The following COL27A1 variants were observed in gnomAD, a reference collection of about 807,000 sequenced individuals.
COL27A1 encodes collagen alpha-1(XXVII) chain.
COL27A1 carries 106 observed loss-of-function variants against 251.3 expected under a neutral mutation model. That is an observed-to-expected ratio of 0.42 (90% CI 0.36 to 0.50). The LOEUF is 0.50. Among genes scored for constraint, COL27A1 ranks in the 20% least tolerant of loss-of-function variants. The pLI is 0.00. For missense variants in COL27A1, 2,325 were observed against 2,522.8 expected (o/e 0.92, Z 1.68); for synonymous variants, 1,000 against 986.3 (o/e 1.01, Z -0.26).
intron 5 of COL27A1, among the ~76,000 whole-genome samples, chr9:114,190,459 G>A (rs1420072559): frequency 3.9e-5 from 6 of 152,106 alleles, no homozygotes; most frequent in Non-Finnish European, 7.4e-5. Context: ...TTGTGGAGAC[G>A]GGCTCACTTT....
intron 41 of COL27A1, among the ~76,000 whole-genome samples, chr9:114,285,726 C>G (rs1013822803): frequency 2.6e-5 from 4 of 152,244 alleles, no homozygotes; most frequent in African/African-American, 9.6e-5. Flanking sequence ...AGGTGCCACT[C>G]AGTACCCCGG....
intron 10 of COL27A1, 24 bp downstream of exon 10, chr9:114,206,320 A>C (rs368199960): frequency 1.2e-5 from 19 of 1,613,394 alleles, no homozygotes; most frequent in Middle Eastern, 3.3e-4. Context: ...GGCCAGTGCC[A>C]CATGGGTGGG....
chr9:114,249,405 C>T (rs1189586584), intron 24 of COL27A1, among the ~76,000 whole-genome samples: 6 of 152,276 alleles, frequency 3.9e-5, no homozygotes, highest in African/African-American at 1.4e-4. Context: ...ATCCACCATG[C>T]GTAGTGCCAG....
intron 53 of COL27A1, 54 bp downstream of exon 53, chr9:114,301,373 G>A (rs976576340): frequency 9.3e-6 from 15 of 1,611,052 alleles, no homozygotes; most frequent in Middle Eastern, 1.8e-4. Flanking sequence ...CGGGGGAGGG[G>A]TGGGCTCCCA....
At chr9:114,164,262 G>T (rs1407800711) in intron 2 of COL27A1, among the ~76,000 whole-genome samples, 2 of 152,208 alleles carry the variant, frequency 1.3e-5, no homozygotes, top group East Asian at 1.9e-4. Flanking sequence ...TCTAGTAAGT[G>T]CTCAACAAGT....
chr9:114,238,898 G>A (rs1832572196), intron 19 of COL27A1, among the ~76,000 whole-genome samples: 1 of 152,204 alleles, frequency 6.6e-6, no homozygotes, highest in African/African-American at 2.4e-5. Flanking sequence ...GTTTACAGTT[G>A]AAGAAACTGA....
intron 25 of COL27A1, 72 bp from the exon 26 acceptor site, chr9:114,252,521 C>G: frequency 7.4e-7 from 1 of 1,355,222 alleles, no homozygotes; most frequent in African/African-American, 1.4e-5. Flanking sequence ...GGATGGCCCT[C>G]TGCACCTGCC....
chr9:114,266,491 A>T, intron 32 of COL27A1, 74 bp from the exon 33 acceptor site: 1 of 1,320,776 alleles, frequency 7.6e-7, no homozygotes, highest in Non-Finnish European at 1.1e-6. Context: ...CAGCTCCCTC[A>T]TTCACCCCTC....
At chr9:114,306,730 G>A (rs779876103) in intron 58 of COL27A1, 42 bp downstream of exon 58, 2 of 1,600,556 alleles carry the variant, frequency 1.2e-6, no homozygotes, top group African/African-American at 2.7e-5. Flanking sequence ...CCTGGCGGTG[G>A]GGAGCTGGGG....
chr9:114,239,641 A>G (rs1832620407), intron 19 of COL27A1, among the ~76,000 whole-genome samples: 1 of 152,208 alleles, frequency 6.6e-6, no homozygotes, highest in African/African-American at 2.4e-5. Context: ...TCTATTGTAC[A>G]GTCATCCCAG....
At chr9:114,263,803 C>T (rs556515235) in intron 28 of COL27A1, among the ~76,000 whole-genome samples, 1 of 152,256 alleles carries the variant, frequency 6.6e-6, no homozygotes, top group Admixed American at 6.5e-5. Flanking sequence ...CTGTTCCTGC[C>T]CCCACCTCAT....
chr9:114,250,405 T>G (rs1833455970), intron 24 of COL27A1, among the ~76,000 whole-genome samples: 1 of 152,198 alleles, frequency 6.6e-6, no homozygotes, highest in African/African-American at 2.4e-5. Context: ...CCCCGCTGCT[T>G]GGCTTCAAAA....
intron 3 of COL27A1, among the ~76,000 whole-genome samples, chr9:114,175,205 C>T (rs1332660008): frequency 6.6e-6 from 1 of 152,194 alleles, no homozygotes; most frequent in African/African-American, 2.4e-5. Flanking sequence ...GAGCCCAGGC[C>T]TCCTCCACCT....
At chr9:114,258,831 C>T (rs4979362) in intron 28 of COL27A1, among the ~76,000 whole-genome samples, 68,097 of 151,996 alleles carry the variant, frequency 0.45, 16,088 homozygotes, top group East Asian at 0.59. Context: ...TCGGGCTCTC[C>T]GGTACTAGTT....
Position 114,278,997 on chromosome 9 carries a change from C to T in COL27A1, c.3717+3229C>T, listed in dbSNP as rs1835739578. 2.0e-5 allele frequency among the ~76,000 whole-genome samples: 3 copies of T among 152,170 alleles called. No individual in the cohort carries two copies. The South Asian group carries it at 6.2e-4, about 31-fold the overall frequency. On this transcript the variant is annotated intron_variant, in intron 37 of 60. Transcript: ENST00000356083. ...TGTATGCTCTCGGCTGGAGAGGGCA[C>T]GTCCCAGCAAGTGGCACCCTGTCCC...
At chr9:114,180,031 G>A (rs970829947) in intron 4 of COL27A1, among the ~76,000 whole-genome samples, 2 of 151,776 alleles carry the variant, frequency 1.3e-5, no homozygotes, top group African/African-American at 4.8e-5. Context: ...GTAGACATGG[G>A]GTTTCACCAT....
chr9:114,251,196 C>G (rs767852860), intron 25 of COL27A1, among the ~76,000 whole-genome samples: 7 of 152,158 alleles, frequency 4.6e-5, no homozygotes, highest in Non-Finnish European at 7.4e-5. Flanking sequence ...CCACCAAGGG[C>G]CTTGGAGGCA....
rs746488198 is a variant in COL27A1, at chr9:114,169,438, G to A, written c.1883G>A (p.Gly628Glu). 47 of 1,549,764 alleles carry A rather than the reference G, an allele frequency of 3.0e-5. 1 individual carries two copies. In the Middle Eastern group the frequency reaches 8.6e-4, roughly 29 times the overall value. The change falls in exon 3 of 61, where the codon GGA becomes GAA. Residue 628 changes from glycine (G) to glutamate (E), a missense_variant. Gly to Glu is a moderately conservative substitution (Grantham distance 98). Around this residue, in one of 4 missense-constraint regions of COL27A1, gnomAD observed 1,183 missense variants for 1,144.1 expected, o/e 1.03. Coordinates refer to ENST00000356083, the MANE Select transcript of COL27A1 (RefSeq NM_032888.4). ...TTCCCTCTGCTGATGGGGCCTCCGG[G>A]ACCCAAGGGAGACTGTGGCTTGCCG... The part of the protein sequence containing the change: ...TPFPLLMGPP[G>E]PKGDCGLPGP...
At chr9:114,209,435 C>T (rs1257295882) in intron 10 of COL27A1, 2 of 763,864 alleles carry the variant, frequency 2.6e-6, no homozygotes, top group Non-Finnish European at 2.4e-6. Context: ...CTGCGCCCTT[C>T]CCTGGCGTGA....
Sources: gnomAD v4.1 joint callset for allele counts (sites outside exome capture counted in the v4.1 genomes callset) on GRCh38, gnomAD v4.1.1 for gene constraint, gnomAD v4.1.1 regional missense constraint, MANE v1.5 for transcripts, NCBI Gene and HGNC (gene_info 2026-07-23, HGNC 2026-07-21) for gene names.